PRELID2: variants seen among roughly 807,000 people sequenced by gnomAD.
PRELID2 encodes PRELI domain-containing protein 2.
A neutral mutation model predicts 28.4 loss-of-function variants in PRELID2; 25 were observed. That is an observed-to-expected ratio of 0.88 (90% CI 0.64 to 1.23). PRELID2 has a LOEUF of 1.23. Among genes scored for constraint, PRELID2 ranks in the 50% most tolerant of loss-of-function variants. The probability of loss-of-function intolerance (pLI) is 0.00; values close to 1 mark genes in which losing one functional copy is unlikely to be tolerated. For synonymous variants in PRELID2, 76 were observed against 71.6 expected (o/e 1.06, Z -0.31); for missense variants, 201 against 214.4 (o/e 0.94, Z 0.39).
In PRELID2 at chr5:145,636,138, T is replaced by C. The variant is rs185560495; in HGVS notation, n.70+128793A>G. ...TCTAAGCACTTTACATTCATTACTA[T>C]GTTTCATCCATACAACTCCCTATGA... On this transcript the variant is annotated intron_variant and non_coding_transcript_variant, in intron 1 of 2. Coordinates refer to the PRELID2 transcript ENST00000510259. Among the ~76,000 whole-genome samples, 245 of 152,344 alleles carry C rather than the reference T, an allele frequency of 1.6e-3. 1 individual carries two copies. The highest frequency in any genetic ancestry group is 6.8e-3 in the Middle Eastern group (2 of 294).
chr5:145,721,919 T>A (rs2149718013), intron 1 of PRELID2, among the ~76,000 whole-genome samples: 1 of 152,228 alleles, frequency 6.6e-6, no homozygotes, highest in South Asian at 2.1e-4. Context: ...TAGGAATATT[T>A]ATGCACCAAA....
At chr5:145,659,988 T>C (rs1234650330) in intron 1 of PRELID2, among the ~76,000 whole-genome samples, 1 of 152,144 alleles carries the variant, frequency 6.6e-6, no homozygotes, top group African/African-American at 2.4e-5. Flanking sequence ...ATATTAATAA[T>C]AGTAACAGTG....
the PRELID2 span, chr5:145,229,860 G>T: frequency 1.3e-6 from 1 of 755,508 alleles, no homozygotes. Context: ...AGAAGGGAAA[G>T]TGCAGGTGCC....
intron 1 of PRELID2, among the ~76,000 whole-genome samples, chr5:145,482,689 G>C (rs1752172883): frequency 1.3e-5 from 2 of 151,852 alleles, no homozygotes; most frequent in Admixed American, 1.3e-4. Flanking sequence ...TTATTACACT[G>C]TAAGCTATTA....
rs1213624294 is a variant in PRELID2 at position 145,775,204 on chromosome 5, C to T, written c.475-10204G>A. Among the ~76,000 whole-genome samples the T allele has an allele frequency of 2.6e-5, 4 of 151,980 alleles. No homozygotes were observed. The South Asian group carries it at 8.3e-4, about 32-fold the overall frequency. On this transcript the variant is annotated intron_variant, in intron 5 of 6. Transcript: ENST00000683046. Reference sequence around the variant, plus strand: ...GCAGTGAGCCGAAATCAAGCCACTGCACTCCAGCCTGAGGAACAGAATGAG... The same window carrying T: ...GCAGTGAGCCGAAATCAAGCCACTGTACTCCAGCCTGAGGAACAGAATGAG...
chr5:145,653,013 A>C (rs1207468757), intron 1 of PRELID2, among the ~76,000 whole-genome samples: 1 of 152,210 alleles, frequency 6.6e-6, no homozygotes, highest in Non-Finnish European at 1.5e-5. Flanking sequence ...CCCATCTCAC[A>C]TGCAGAGACA....
chr5:145,680,846 A>G (rs1754918520), intron 1 of PRELID2, among the ~76,000 whole-genome samples: 1 of 152,136 alleles, frequency 6.6e-6, no homozygotes, highest in South Asian at 2.1e-4. Flanking sequence ...TATGGGAGAA[A>G]GTACTTTGTT....
intron 4 of PRELID2, among the ~76,000 whole-genome samples, chr5:145,814,153 A>C (rs189971248): frequency 4.6e-5 from 7 of 152,316 alleles, no homozygotes; most frequent in Non-Finnish European, 4.4e-5. Flanking sequence ...CACTCAAAGG[A>C]AAATTGTTCC....
At chr5:145,362,863 G>A in the PRELID2 span, among the ~76,000 whole-genome samples, 2 of 151,962 alleles carry the variant, frequency 1.3e-5, no homozygotes, top group Non-Finnish European at 2.9e-5. Flanking sequence ...GTGCTTGATG[G>A]CTGGAAATCA....
chr5:145,442,054 C>T, the PRELID2 span, among the ~76,000 whole-genome samples: 1 of 152,022 alleles, frequency 6.6e-6, no homozygotes. Flanking sequence ...GAAACAGTGG[C>T]CAGGAAGAAT....
At chr5:145,676,353 C>T (rs1754818038) in intron 1 of PRELID2, among the ~76,000 whole-genome samples, 1 of 152,012 alleles carries the variant, frequency 6.6e-6, no homozygotes, top group South Asian at 2.1e-4. Flanking sequence ...GCCTGGCCAA[C>T]ATGGTGAAAC....
At chr5:145,447,470 CTTTT>C in the PRELID2 span, among the ~76,000 whole-genome samples, 40 of 134,680 alleles carry the variant, frequency 3.0e-4, no homozygotes, top group Non-Finnish European at 5.2e-4. Context: ...CTGAAATTTT[CTTTT>C]TTTTTTTTTA....
chr5:145,267,376 CT>C, the PRELID2 span, among the ~76,000 whole-genome samples: 1 of 152,122 alleles, frequency 6.6e-6, no homozygotes, highest in Non-Finnish European at 1.5e-5. Context: ...ACTTTGCATC[CT>C]TCAATCCCAT....
At chr5:145,298,006 G>A in the PRELID2 span, among the ~76,000 whole-genome samples, 1 of 152,072 alleles carries the variant, frequency 6.6e-6, no homozygotes, top group Admixed American at 6.6e-5. Context: ...CATTCTCATG[G>A]GTAGGAAGAA....
At chr5:145,717,031 C>T (rs1348470333) in intron 1 of PRELID2, among the ~76,000 whole-genome samples, 1 of 151,664 alleles carries the variant, frequency 6.6e-6, no homozygotes, top group Non-Finnish European at 1.5e-5. Flanking sequence ...CACTATACTG[C>T]TATTAAAAAT....
At chr5:145,267,269 G>A in the PRELID2 span, among the ~76,000 whole-genome samples, 1 of 152,050 alleles carries the variant, frequency 6.6e-6, no homozygotes, top group East Asian at 1.9e-4. Context: ...ATTAGATGGT[G>A]CCCACCCAGA....
chr5:145,414,888 A>T, the PRELID2 span, among the ~76,000 whole-genome samples: 1 of 152,172 alleles, frequency 6.6e-6, no homozygotes, highest in Non-Finnish European at 1.5e-5. Flanking sequence ...TACCATTTAT[A>T]TGTCTCATAA....
intron 1 of PRELID2, among the ~76,000 whole-genome samples, chr5:145,742,261 TA>T (rs1403524105): frequency 1.4e-5 from 2 of 141,220 alleles, no homozygotes; most frequent in South Asian, 2.1e-4. Flanking sequence ...ATAAAATATA[TA>T]TTTTTAATAC....
At chr5:145,775,283 AT>A (rs1480061620) in intron 5 of PRELID2, among the ~76,000 whole-genome samples, 2 of 152,044 alleles carry the variant, frequency 1.3e-5, no homozygotes, top group East Asian at 3.9e-4. Flanking sequence ...TCACACCCTG[AT>A]TTTTGTGACT....
Sources: allele counts gnomAD v4.1 joint callset (sites outside exome capture counted in the v4.1 genomes callset), GRCh38; gene constraint gnomAD v4.1.1; transcripts MANE v1.5; gene names NCBI Gene and HGNC (gene_info 2026-07-23, HGNC 2026-07-21).